STXBP4: variants seen among roughly 807,000 people sequenced by gnomAD.
The protein encoded by STXBP4 is syntaxin-binding protein 4.
A neutral mutation model predicts 76.1 loss-of-function variants in STXBP4; 55 were observed. That is an observed-to-expected ratio of 0.72 (90% CI 0.58 to 0.91). The LOEUF is 0.91. STXBP4 is among the 40% of genes least tolerant of loss of function. The pLI is 0.00. For synonymous variants in STXBP4, 201 were observed against 220.2 expected (o/e 0.91, Z 0.77); for missense variants, 618 against 636.9 (o/e 0.97, Z 0.32).
chr17:55,128,682 C>G (rs765631563), intron 16 of STXBP4, among the ~76,000 whole-genome samples: 51 of 152,168 alleles, frequency 3.4e-4, no homozygotes, highest in Non-Finnish European at 6.6e-4. Flanking sequence ...ATGGCACGAT[C>G]TTGGCTCACT....
the STXBP4 span, among the ~76,000 whole-genome samples, chr17:55,203,329 G>A: frequency 2.0e-5 from 3 of 151,954 alleles, no homozygotes; most frequent in African/African-American, 7.2e-5. Context: ...TGCAATAACT[G>A]TCTATTGTCT....
intron 1 of STXBP4, among the ~76,000 whole-genome samples, chr17:54,977,978 C>A (rs1203002514): frequency 2.6e-5 from 4 of 152,126 alleles, no homozygotes; most frequent in Non-Finnish European, 5.9e-5. Flanking sequence ...TTTGAAATGA[C>A]CTTAATGTGA....
intron 16 of STXBP4, among the ~76,000 whole-genome samples, chr17:55,136,718 A>G (rs1482779430): frequency 1.3e-5 from 2 of 152,154 alleles, no homozygotes; most frequent in African/African-American, 4.8e-5. Flanking sequence ...AATATTTACC[A>G]TCACACTACT....
chr17:55,018,288 G>T (rs1182222019), intron 8 of STXBP4, among the ~76,000 whole-genome samples: 2 of 152,202 alleles, frequency 1.3e-5, no homozygotes. Context: ...TGGGCAACTT[G>T]CTGGATCAGG....
chr17:55,051,028 G>A lies in STXBP4; in HGVS notation c.1011+3874G>A, dbSNP rs565698410. On this transcript the variant is annotated intron_variant, in intron 12 of 17. Coordinates refer to ENST00000376352, the MANE Select transcript of STXBP4 (RefSeq NM_178509.6). ...GTATCTTTTATGAACAAGGAAAATT[G>A]AAAATACACCTGCCTATTTTTGTAA... Among the ~76,000 whole-genome samples the A allele has an allele frequency of 2.9e-4, 44 of 152,130 alleles. 1 individual carries two copies. Among genetic ancestry groups the A allele is most frequent in the Middle Eastern group, 6.8e-3 (2 of 294 alleles).
At chr17:55,006,661 A>G (rs1598191662) in intron 7 of STXBP4, among the ~76,000 whole-genome samples, 1 of 152,210 alleles carries the variant, frequency 6.6e-6, no homozygotes, top group African/African-American at 2.4e-5. Flanking sequence ...TAAGAAGTGT[A>G]TGACTTTTAG....
chr17:55,046,835 G>A (rs764247758), intron 11 of STXBP4, among the ~76,000 whole-genome samples: 1 of 151,688 alleles, frequency 6.6e-6, no homozygotes, highest in Non-Finnish European at 1.5e-5. Context: ...ATTCTTAACT[G>A]GCTTCTGTTA....
chr17:54,998,887 A>G (rs571497962), intron 4 of STXBP4, among the ~76,000 whole-genome samples: 6 of 152,208 alleles, frequency 3.9e-5, no homozygotes, highest in Admixed American at 2.0e-4. Context: ...AAAAATCTCA[A>G]TGTGGGATAA....
At chr17:55,119,632 A>G (rs2079821881) in intron 16 of STXBP4, among the ~76,000 whole-genome samples, 1 of 152,044 alleles carries the variant, frequency 6.6e-6, no homozygotes, top group Non-Finnish European at 1.5e-5. Context: ...TTGGAAAATG[A>G]ATATATATTT....
At chr17:55,201,650 C>T in the STXBP4 span, among the ~76,000 whole-genome samples, 3 of 152,190 alleles carry the variant, frequency 2.0e-5, no homozygotes, top group Non-Finnish European at 4.4e-5. Flanking sequence ...GAAGTCCAAT[C>T]AAGACGTTAC....
chr17:55,207,554 T>C, the STXBP4 span, among the ~76,000 whole-genome samples: 1 of 152,230 alleles, frequency 6.6e-6, no homozygotes, highest in Non-Finnish European at 1.5e-5. Context: ...TCAAATACTC[T>C]TATTTCAAAT....
intron 10 of STXBP4, among the ~76,000 whole-genome samples, chr17:55,039,376 A>C (rs2078657768): frequency 1.3e-5 from 2 of 152,058 alleles, no homozygotes; most frequent in African/African-American, 4.8e-5. Flanking sequence ...GGGTTCATTC[A>C]GATGACAGAG....
At chr17:55,073,218 G>C (rs1277785468) in intron 13 of STXBP4, 142 bp downstream of exon 13, 2 of 771,296 alleles carry the variant, frequency 2.6e-6, no homozygotes, top group African/African-American at 3.5e-5. Flanking sequence ...GCTGTGTCCT[G>C]ATGGGGATAA....
intron 12 of STXBP4, among the ~76,000 whole-genome samples, chr17:55,051,043 T>A (rs572416127): frequency 6.6e-6 from 1 of 152,260 alleles, no homozygotes; most frequent in African/African-American, 2.4e-5. Context: ...TACACCTGCC[T>A]ATTTTTGTAA....
intron 16 of STXBP4, among the ~76,000 whole-genome samples, chr17:55,136,648 T>A (rs983733473): frequency 6.6e-6 from 1 of 152,130 alleles, no homozygotes; most frequent in East Asian, 1.9e-4. Context: ...ATTTACACTA[T>A]GAAACTGAGC....
At chr17:55,143,011 C>T (rs1224209030) in intron 17 of STXBP4, among the ~76,000 whole-genome samples, 1 of 152,134 alleles carries the variant, frequency 6.6e-6, no homozygotes, top group African/African-American at 2.4e-5. Context: ...AAAATGCATT[C>T]AAATCTGTGT....
chr17:55,175,055 C>CTCCTT (rs1245123054), downstream of STXBP4, among the ~76,000 whole-genome samples: 1 of 151,986 alleles, frequency 6.6e-6, no homozygotes, highest in African/African-American at 2.4e-5. Context: ...GCATCTGCAA[C>CTCCTT]TCCTTTCACA....
chr17:54,991,009 T>A (rs1450601537), intron 4 of STXBP4, 52 bp downstream of exon 4: 4 of 1,454,440 alleles, frequency 2.8e-6, no homozygotes, highest in Non-Finnish European at 3.6e-6. Flanking sequence ...GACCCACCAG[T>A]GGTAAAGTTT....
At position 55,078,137 on chromosome 17, in the gene STXBP4, A is replaced by G. The variant is rs2079208866; in HGVS notation, c.1248A>G (p.Ser416=). ...TACTCGACTGCCAATTACGAAAATC[A>G]GAAATGGCTCGAAAAACTTTTGAGG... ...IMVLDCQLRK[S]EMARKTFEAS... is the part of the protein sequence containing the mutation. The change falls in exon 14 of 18, where the codon TCA becomes TCG. Residue 416 remains serine (S), a synonymous_variant. Transcript: ENST00000376352. 1.9e-6 allele frequency: 3 copies of G among 1,612,646 alleles called. No homozygotes were observed. In the East Asian group the frequency reaches 6.7e-5, roughly 36 times the overall value.
Sources: allele counts gnomAD v4.1 joint callset (sites outside exome capture counted in the v4.1 genomes callset), GRCh38; gene constraint gnomAD v4.1.1; transcripts MANE v1.5; gene names NCBI Gene and HGNC (gene_info 2026-07-23, HGNC 2026-07-21).